Variants in DNMBP observed in about 807,000 individuals in gnomAD.
The protein encoded by DNMBP is dynamin binding protein.
In DNMBP, 87 loss-of-function variants were observed where a neutral mutation model predicts 150.0. The observed-to-expected ratio is 0.58, with a 90% CI of 0.49 to 0.69. The LOEUF (loss-of-function observed/expected upper bound fraction) is 0.69. DNMBP is among the 30% of genes least tolerant of loss of function. The pLI is 0.00. For synonymous variants in DNMBP, 711 were observed against 750.4 expected, an observed-to-expected ratio of 0.95 and a Z score of 0.86; for missense variants, 1,774 against 1,949.0, an observed-to-expected ratio of 0.91 and a Z score of 1.69.
chr10:99,949,955 A>G (rs1470468581), intron 4 of DNMBP, among the ~76,000 whole-genome samples: 1 of 152,208 alleles, frequency 6.6e-6, no homozygotes, highest in African/African-American at 2.4e-5. Context: ...CATTACTGGG[A>G]AATTCCTGCT....
At chr10:99,906,759 C>G (rs1188164227) in intron 6 of DNMBP, among the ~76,000 whole-genome samples, 1 of 152,198 alleles carries the variant, frequency 6.6e-6, no homozygotes, top group Non-Finnish European at 1.5e-5. Flanking sequence ...AGGCCAACAA[C>G]TGACTCCAAC....
At chr10:99,977,837 AAGTTT>A (rs1429625766) in intron 1 of DNMBP, among the ~76,000 whole-genome samples, 1 of 152,124 alleles carries the variant, frequency 6.6e-6, no homozygotes, top group Non-Finnish European at 1.5e-5. Flanking sequence ...TCAAAATCTC[AAGTTT>A]TACTTACCTA....
chr10:99,888,817 T>A lies in DNMBP; in HGVS notation c.3285+8A>T, dbSNP rs2039511722. Reference sequence around the variant, plus strand: ...AGGGGGCCAACTTTTGAAGAAAAAGTTACTTACAAAGTTTGTGAAGAGCTG... The same window carrying A: ...AGGGGGCCAACTTTTGAAGAAAAAGATACTTACAAAGTTTGTGAAGAGCTG... On this transcript the variant is annotated splice_region_variant and intron_variant, in intron 12 of 16. Transcript: ENST00000324109. 1 of 1,613,772 alleles carries A rather than the reference T, an allele frequency of 6.2e-7. No homozygotes were observed. The highest frequency in any genetic ancestry group is 1.1e-5 in the South Asian group (1 of 91,052).
intron 1 of DNMBP, among the ~76,000 whole-genome samples, chr10:99,988,822 C>T (rs1403771269): frequency 2.6e-5 from 4 of 152,002 alleles, no homozygotes; most frequent in East Asian, 3.9e-4. Context: ...CCACCATACC[C>T]GGCTAATTTT....
intron 11 of DNMBP, chr10:99,889,563 T>C (rs2039525395): frequency 6.6e-6 from 1 of 152,350 alleles, no homozygotes; most frequent in Non-Finnish European, 1.5e-5. Flanking sequence ...TTGTCTGTTT[T>C]GTTTGCTGAC....
At chr10:99,892,668 A>AAAGGT (rs1564720199) in intron 11 of DNMBP, among the ~76,000 whole-genome samples, 10 of 146,244 alleles carry the variant, frequency 6.8e-5, no homozygotes, top group Non-Finnish European at 1.2e-4. Flanking sequence ...ACCTTTGTTC[A>AAAGGT]CTTGTTTATC....
chr10:99,983,784 C>A (rs2133368773), intron 1 of DNMBP, among the ~76,000 whole-genome samples: 1 of 152,348 alleles, frequency 6.6e-6, no homozygotes, highest in Admixed American at 6.5e-5. Flanking sequence ...GTAAAGGAAT[C>A]TGCTGTCCTA....
intron 4 of DNMBP, 103 bp downstream of exon 4, chr10:99,955,111 T>G: frequency 1.1e-6 from 1 of 933,966 alleles, no homozygotes; most frequent in East Asian, 2.4e-5. Context: ...AATCATTTTT[T>G]GTCCATCGAG....
intron 7 of DNMBP, among the ~76,000 whole-genome samples, chr10:99,899,677 C>T (rs531967340): frequency 6.6e-6 from 1 of 151,806 alleles, no homozygotes; most frequent in East Asian, 1.9e-4. Flanking sequence ...CACCTATGCT[C>T]TTATTTGGAC....
intron 1 of DNMBP, among the ~76,000 whole-genome samples, chr10:100,005,832 C>T (rs1046568087): frequency 7.0e-6 from 1 of 143,714 alleles, no homozygotes. Flanking sequence ...AATCAAGATA[C>T]ATACACATAA....
intron 1 of DNMBP, among the ~76,000 whole-genome samples, chr10:99,998,434 G>C (rs1439904335): frequency 6.6e-6 from 1 of 151,700 alleles, no homozygotes; most frequent in Admixed American, 6.6e-5. Context: ...AAAAACATTA[G>C]CCGGGTATAG....
chr10:99,960,376 G>C (rs1171507981), intron 3 of DNMBP, among the ~76,000 whole-genome samples: 4 of 152,108 alleles, frequency 2.6e-5, no homozygotes, highest in African/African-American at 9.7e-5. Context: ...AGGTGCTCAA[G>C]GAATGCACCT....
rs772860432 is a variant in DNMBP at position 99,957,161 on chromosome 10, G to A, written c.313C>T (p.Gln105Ter). The change falls in exon 4 of 17, where the codon CAG becomes TAG. Residue 105 changes from glutamine (Q) to a stop codon, truncating the protein, a stop_gained. Transcript: ENST00000324109. LOFTEE classifies it high-confidence loss of function. ...CGTGCGCCCCAGCAGCTTCGGCCCT[G>A]CAGCCAGCCTGCAGTGGGAATGCCA... Reference protein sequence around the residue: ...LDGIPTAGWLQGRSCWGARGF... With the variant: ...LDGIPTAGWL 1.1e-5 allele frequency: 18 copies of A among 1,608,760 alleles called. No individual in the cohort carries two copies. In the Admixed American group the frequency reaches 2.8e-4, roughly 25 times the overall value.
intron 4 of DNMBP, among the ~76,000 whole-genome samples, chr10:99,950,767 C>A (rs905986194): frequency 6.6e-5 from 10 of 152,112 alleles, no homozygotes; most frequent in Admixed American, 6.6e-4. Flanking sequence ...GACTTGGGTG[C>A]TGTTAAAGGC....
At chr10:99,893,854 A>C (rs2039612888) in intron 11 of DNMBP, among the ~76,000 whole-genome samples, 1 of 152,208 alleles carries the variant, frequency 6.6e-6, no homozygotes, top group Admixed American at 6.5e-5. Context: ...GGAGGGAAGA[A>C]CTTAATGGAT....
At chr10:99,908,280 C>T (rs150299523) in intron 5 of DNMBP, among the ~76,000 whole-genome samples, 186 bp from the exon 6 acceptor site, 2 of 152,296 alleles carry the variant, frequency 1.3e-5, no homozygotes, top group Non-Finnish European at 2.9e-5. Flanking sequence ...TGTCCTTGAT[C>T]CAACTATTCT....
At position 99,876,489 on chromosome 10, in the gene DNMBP, T is replaced by C. The variant is rs2039276340; in HGVS notation, c.*662A>G. 6.6e-6 allele frequency: 1 copy of C among 152,214 alleles called. No individual in the cohort carries two copies. The highest frequency in any genetic ancestry group is 2.4e-5 in the African/African-American group (1 of 41,466). 9.4% of individuals were successfully genotyped at this position (152,214 alleles called of 1,614,324 possible). On this transcript the variant is annotated 3_prime_UTR_variant, in exon 17 of 17. Coordinates refer to ENST00000324109, the MANE Select transcript of DNMBP (RefSeq NM_015221.4). Reference sequence around the variant, plus strand: ...AGAAAATAAAGACCCTAAACACTTCTAAAAGTAGAACGCAGTTGAATTTTG... The same window carrying C: ...AGAAAATAAAGACCCTAAACACTTCCAAAAGTAGAACGCAGTTGAATTTTG...
intron 1 of DNMBP, among the ~76,000 whole-genome samples, chr10:99,983,704 C>T (rs527988214): frequency 6.6e-6 from 1 of 152,290 alleles, no homozygotes; most frequent in South Asian, 2.1e-4. Flanking sequence ...TACAGAATGT[C>T]GAACTGGAAG....
intron 8 of DNMBP, 164 bp from the exon 9 acceptor site, chr10:99,898,449 C>T: frequency 1.4e-6 from 1 of 709,240 alleles, no homozygotes; most frequent in Non-Finnish European, 2.5e-6. Context: ...TTCTTTTACC[C>T]TACTTTCCAA....
Sources: gnomAD v4.1 joint callset for allele counts (sites outside exome capture counted in the v4.1 genomes callset) on GRCh38, gnomAD v4.1.1 for gene constraint, MANE v1.5 for transcripts, NCBI Gene and HGNC (gene_info 2026-07-23, HGNC 2026-07-21) for gene names.